The following SFTPD variants were observed in gnomAD, a reference collection of about 807,000 sequenced individuals.
SFTPD encodes the protein surfactant protein D, also known as pulmonary surfactant-associated protein D.
In SFTPD, 18 loss-of-function variants were observed where a neutral mutation model predicts 34.6. The observed-to-expected ratio is 0.52, with a 90% confidence interval of 0.36 to 0.77. The LOEUF (loss-of-function observed/expected upper bound fraction) is 0.77, where lower values mean the gene tolerates loss of function less well. Among genes scored for constraint, SFTPD ranks in the 30% least tolerant of loss-of-function variants. The pLI, the probability that SFTPD is intolerant of heterozygous loss-of-function variation, is 0.00. For missense variants in SFTPD, 433 were observed against 468.9 expected (o/e 0.92, Z 0.71); for synonymous variants, 155 against 180.9 (o/e 0.86, Z 1.15).
rs201270362 is a variant in SFTPD at position 79,938,167 on chromosome 10, T to C, written c.813A>G (p.Val271=). 1.2e-5 allele frequency: 19 copies of C among 1,608,064 alleles called. 1 individual carries two copies. The highest frequency in any genetic ancestry group is 1.6e-5 in the Non-Finnish European group (19 of 1,174,994). Residue 271 remains valine, a synonymous_variant, in exon 8 of 8, where the codon GTA becomes GTG. Transcript: ENST00000372292. ...GEKIFKTAGF[V]KPFTEAQLLC... is the part of the protein sequence containing the mutation. ...GCAGCTGTGCCTCCGTAAATGGTTT[T>C]ACAAAGCCTGCTGTCTTGAAAATCT...
upstream of SFTPD, among the ~76,000 whole-genome samples, chr10:79,953,302 T>A (rs886471470): frequency 6.6e-6 from 1 of 152,234 alleles, no homozygotes; most frequent in Non-Finnish European, 1.5e-5. Flanking sequence ...TAGCACTTCT[T>A]GCAAGGTGGA....
rs762185215 is a variant in SFTPD, at chr10:79,937,983, C to T, written c.997G>A (p.Val333Ile). 2.5e-6 allele frequency: 4 copies of T among 1,613,830 alleles called. No homozygotes were observed. The highest frequency in any genetic ancestry group is 3.4e-6 in the Non-Finnish European group (4 of 1,179,774). Residue 333 changes from valine (V) to isoleucine (I), a missense_variant, in exon 8 of 8, where the codon GTC (valine) becomes ATC (isoleucine). By Grantham distance (29) the Val-to-Ile change is conservative. Coordinates refer to ENST00000372292, the MANE Select transcript of SFTPD (RefSeq NM_003019.5). ...KFTYPTGESL[V>I]YSNWAPGEPN... Reference sequence around the variant, plus strand: ...TCCCCTGGGGCCCAGTTGGAATAGACCAGGGACTCTCCTGTGGGGTAGGTG... The same window carrying T: ...TCCCCTGGGGCCCAGTTGGAATAGATCAGGGACTCTCCTGTGGGGTAGGTG...
At chr10:79,938,579 G>C (rs553694801) in intron 7 of SFTPD, among the ~76,000 whole-genome samples, 1 of 152,128 alleles carries the variant, frequency 6.6e-6, no homozygotes, top group African/African-American at 2.4e-5. Context: ...CTATATACTA[G>C]AATTGATTTC....
intron 6 of SFTPD, 142 bp downstream of exon 6, chr10:79,941,256 G>T: frequency 1.4e-6 from 1 of 735,524 alleles, no homozygotes; most frequent in Non-Finnish European, 2.3e-6. Flanking sequence ...CTTCCAGCCT[G>T]TCCGCCTTTC....
At chr10:79,978,536 C>T (rs1393221349) in intron 1 of SFTPD, among the ~76,000 whole-genome samples, 1 of 150,774 alleles carries the variant, frequency 6.6e-6, no homozygotes, top group Non-Finnish European at 1.5e-5. Flanking sequence ...CCTGTAGTCT[C>T]AGCTACTTGG....
chr10:79,957,304 T>C (rs2132511179), intron 1 of SFTPD, among the ~76,000 whole-genome samples: 1 of 152,312 alleles, frequency 6.6e-6, no homozygotes, highest in South Asian at 2.1e-4. Flanking sequence ...GGACGGAGAA[T>C]GACTTTGATG....
chr10:79,941,390 T>C lies in SFTPD; in HGVS notation c.667+8A>G. 1 of 1,612,398 alleles carries C rather than the reference T, an allele frequency of 6.2e-7. No individual in the cohort carries two copies. The highest frequency in any genetic ancestry group is 1.1e-5 in the South Asian group (1 of 91,058). ...GGGGCTTCCCTGGGCCAGGAGCTGCTACCTTACCTGGAAGCCCACTTTCTC... is the reference window on the plus strand; with the variant it reads ...GGGGCTTCCCTGGGCCAGGAGCTGCCACCTTACCTGGAAGCCCACTTTCTC... On this transcript the variant is annotated splice_region_variant and intron_variant, in intron 6 of 7. Transcript: ENST00000372292.
At chr10:79,963,671 T>C (rs61860400) in intron 1 of SFTPD, among the ~76,000 whole-genome samples, 10,184 of 152,248 alleles carry the variant, frequency 0.067, 553 homozygotes, top group South Asian at 0.2. Flanking sequence ...ATCTCCTTTG[T>C]CCCTGTTTCT....
rs1252037023 is a variant in SFTPD at position 79,941,394 on chromosome 10, T to C, written c.667+4A>G. On this transcript the variant is annotated splice_donor_region_variant and intron_variant, in intron 6 of 7. Coordinates refer to ENST00000372292, the MANE Select transcript of SFTPD (RefSeq NM_003019.5). ...CTTCCCTGGGCCAGGAGCTGCTACC[T>C]TACCTGGAAGCCCACTTTCTCCCTT... 6.2e-7 allele frequency: 1 copy of C among 1,612,806 alleles called. No homozygotes were observed. The highest frequency in any genetic ancestry group is 1.1e-5 in the South Asian group (1 of 91,072).
At position 79,979,225 on chromosome 10, in the gene SFTPD, C is replaced by T. The variant is rs988088015; in HGVS notation, c.36+3350G>A. 8.6e-5 allele frequency among the ~76,000 whole-genome samples: 13 copies of T among 152,044 alleles called. 1 individual carries two copies. The highest frequency in any genetic ancestry group is 5.9e-4 in the Admixed American group (9 of 15,270). ...ATCTGTACACTGAAAAACAATAAAA[C>T]ATTGATAAAAAATTGAATCAGGAAG... On this transcript the variant is annotated intron_variant, in intron 1 of 5. Coordinates refer to the SFTPD transcript ENST00000444384.
upstream of SFTPD, among the ~76,000 whole-genome samples, chr10:79,951,346 G>A (rs1427532583): frequency 6.6e-6 from 1 of 152,110 alleles, no homozygotes; most frequent in Non-Finnish European, 1.5e-5. Context: ...ACTCTCATTT[G>A]AATGGGATTT....
chr10:79,969,844 ACT>A (rs1186341392), intron 1 of SFTPD: 2 of 151,968 alleles, frequency 1.3e-5, no homozygotes, highest in Non-Finnish European at 2.9e-5. Context: ...GGTTCTTTTA[ACT>A]CTGATGTTTG....
chr10:79,968,083 G>A (rs1422448173), intron 1 of SFTPD: 7 of 151,888 alleles, frequency 4.6e-5, no homozygotes, highest in Non-Finnish European at 8.8e-5. Flanking sequence ...TGGAGTATAT[G>A]TGATATCTTG....
At chr10:79,950,587 A>T (rs926441274), upstream of SFTPD, 1 of 152,170 alleles carries the variant, frequency 6.6e-6, no homozygotes, top group Non-Finnish European at 1.5e-5. Context: ...TAGATTAGAC[A>T]TTTCTCTCTT....
At chr10:79,954,225 CA>C (rs1842726793) in intron 1 of SFTPD, among the ~76,000 whole-genome samples, 1 of 152,018 alleles carries the variant, frequency 6.6e-6, no homozygotes, top group Non-Finnish European at 1.5e-5. Context: ...TTCATGGTGT[CA>C]TGTTTGCCTG....
At chr10:79,976,275 A>G (rs957224131) in intron 1 of SFTPD, among the ~76,000 whole-genome samples, 15 of 152,348 alleles carry the variant, frequency 9.8e-5, no homozygotes, top group African/African-American at 3.6e-4. Flanking sequence ...AATGGTGCTG[A>G]AAGCTGGAGT....
At chr10:79,963,620 G>A (rs1187073914) in intron 1 of SFTPD, among the ~76,000 whole-genome samples, 2 of 152,094 alleles carry the variant, frequency 1.3e-5, no homozygotes, top group African/African-American at 4.8e-5. Context: ...ATGTATTTAT[G>A]ACCATTTGGA....
intron 1 of SFTPD, chr10:79,969,473 C>CAA: frequency 6.8e-6 from 1 of 147,950 alleles, no homozygotes; most frequent in African/African-American, 2.5e-5. Context: ...AACTCCGTCT[C>CAA]AAAAGAAAAA....
In SFTPD at chr10:79,940,784, A is replaced by G; in HGVS notation, c.672T>C (p.Val224=). ...CCTCAACCTGCTGCCTCAGAGAAGCAACATCTGGAGGGGAGAAAATGGCCA... is the reference window on the plus strand; with the variant it reads ...CCTCAACCTGCTGCCTCAGAGAAGCGACATCTGGAGGGGAGAAAATGGCCA... ...GAKGESGLPD[V]ASLRQQVEAL... The change falls in exon 7 of 8, where the codon GTT becomes GTC. Residue 224 remains valine, a synonymous_variant. Transcript: ENST00000372292. 6.2e-7 allele frequency: 1 copy of G among 1,608,642 alleles called. No individual in the cohort carries two copies. The highest frequency in any genetic ancestry group is 8.5e-7 in the Non-Finnish European group (1 of 1,175,224).
Sources: allele counts gnomAD v4.1 joint callset (sites outside exome capture counted in the v4.1 genomes callset), GRCh38; gene constraint gnomAD v4.1.1; transcripts MANE v1.5; gene names NCBI Gene and HGNC (gene_info 2026-07-23, HGNC 2026-07-21).